The following TOPAZ1 variants were observed in gnomAD, a reference collection of about 807,000 sequenced individuals.
TOPAZ1 encodes protein TOPAZ1.
TOPAZ1 carries 66 observed loss-of-function variants against 172.2 expected under a neutral mutation model. The ratio of observed to expected loss-of-function variants is 0.38; its 90% CI spans 0.31 to 0.47. TOPAZ1 has a LOEUF of 0.47. Ranked by LOEUF, TOPAZ1 falls within the 20% of genes least tolerant of loss-of-function variation. TOPAZ1 has a pLI of 0.99. For synonymous variants in TOPAZ1, 681 were observed against 683.9 expected (o/e 1.00, Z 0.07); for missense variants, 1,822 against 1,972.4 (o/e 0.92, Z 1.44).
chr3:44,252,746 A>G (rs1699649272), intron 2 of TOPAZ1, among the ~76,000 whole-genome samples: 1 of 152,176 alleles, frequency 6.6e-6, no homozygotes, highest in South Asian at 2.1e-4. Context: ...ATCTCAGTAT[A>G]TTATGTCTGC....
Position 44,329,556 on chromosome 3 carries a change from G to A in TOPAZ1, c.4859+1123G>A, listed in dbSNP as rs536665553. 3.8e-4 allele frequency among the ~76,000 whole-genome samples: 58 copies of A among 152,312 alleles called. 2 individuals carry two copies. Among genetic ancestry groups the A allele is most frequent in the Admixed American group, 1.2e-3 (19 of 15,302 alleles). On this transcript the variant is annotated intron_variant, in intron 19 of 19. Transcript: ENST00000309765. Reference sequence around the variant, plus strand: ...ATCAAGCAAGAACTGTGAAGAGTCTGAGATTTTACCCTATTGCAAGCTACA... The same window carrying A: ...ATCAAGCAAGAACTGTGAAGAGTCTAAGATTTTACCCTATTGCAAGCTACA...
chr3:44,329,745 C>T (rs1331679478), intron 19 of TOPAZ1, among the ~76,000 whole-genome samples: 1 of 152,164 alleles, frequency 6.6e-6, no homozygotes, highest in Non-Finnish European at 1.5e-5. Context: ...ACATGGATAC[C>T]TACATATGCC....
rs371791185 is a variant in TOPAZ1 at position 44,287,875 on chromosome 3, G to A, written c.3681+36G>A. ...ATTTTCTCTTTTATTCTCTGATGGC[G>A]AGTAACCAAGAAAATAATTGTTTCC... On this transcript the variant is annotated intron_variant, in intron 11 of 19. Coordinates refer to ENST00000309765, the MANE Select transcript of TOPAZ1 (RefSeq NM_001145030.2). The A allele has an allele frequency of 3.5e-5, 36 of 1,023,952 alleles. No homozygotes were observed. In the African/African-American group the frequency reaches 4.4e-4, roughly 13 times the overall value. The allele number at this position is 1,023,952 out of a possible 1,614,324, so 63.4% of individuals were successfully genotyped here.
At chr3:44,314,636 C>T (rs1003895085) in intron 16 of TOPAZ1, among the ~76,000 whole-genome samples, 5 of 151,958 alleles carry the variant, frequency 3.3e-5, no homozygotes, top group African/African-American at 1.2e-4. Flanking sequence ...GCACAAACTA[C>T]ACAAACAGAT....
Position 44,281,952 on chromosome 3 carries a change from T to G in TOPAZ1, c.3373-16T>G. The G allele has an allele frequency of 3.3e-6, 5 of 1,515,928 alleles. No homozygotes were observed. Among genetic ancestry groups the G allele is most frequent in the Non-Finnish European group, 4.5e-6 (5 of 1,120,682 alleles). The allele number at this position is 1,515,928 out of a possible 1,614,324, so 93.9% of individuals were successfully genotyped here. On this transcript the variant is annotated splice_polypyrimidine_tract_variant and intron_variant, in intron 8 of 19. Transcript: ENST00000309765. Reference sequence around the variant, plus strand: ...ATTTAAAAAAGGTAGTTTTACATTTTTCGTGACTTTTGCAGGTTTGCATGG... The same window carrying G: ...ATTTAAAAAAGGTAGTTTTACATTTGTCGTGACTTTTGCAGGTTTGCATGG...
chr3:44,259,544 GGTTT>G (rs1020522735), intron 4 of TOPAZ1, among the ~76,000 whole-genome samples: 1 of 152,088 alleles, frequency 6.6e-6, no homozygotes, highest in African/African-American at 2.4e-5. Flanking sequence ...ATGGACACTT[GGTTT>G]GTTTCCATTT....
At chr3:44,301,267 AC>A (rs1575728058) in intron 12 of TOPAZ1, among the ~76,000 whole-genome samples, 2 of 152,346 alleles carry the variant, frequency 1.3e-5, no homozygotes, top group East Asian at 1.9e-4. Context: ...ACAATATTGT[AC>A]CAGTGTCAGT....
chr3:44,293,842 T>TATC (rs1441662888), intron 12 of TOPAZ1, among the ~76,000 whole-genome samples: 1 of 152,212 alleles, frequency 6.6e-6, no homozygotes, highest in Non-Finnish European at 1.5e-5. Flanking sequence ...CAATAGGCTA[T>TATC]ATCATATAGC....
At chr3:44,265,482 G>A (rs576093540) in intron 5 of TOPAZ1, among the ~76,000 whole-genome samples, 8 of 152,312 alleles carry the variant, frequency 5.3e-5, no homozygotes, top group African/African-American at 1.9e-4. Flanking sequence ...CTTGAACCCA[G>A]GAGGGGGAGG....
intron 9 of TOPAZ1, among the ~76,000 whole-genome samples, chr3:44,286,868 C>T (rs1009637747): frequency 6.6e-6 from 1 of 152,128 alleles, no homozygotes; most frequent in African/African-American, 2.4e-5. Context: ...GAAAACTAAT[C>T]AGCATTGTTG....
downstream of TOPAZ1, among the ~76,000 whole-genome samples, chr3:44,334,955 A>G (rs991331740): frequency 6.6e-6 from 1 of 152,150 alleles, no homozygotes; most frequent in Non-Finnish European, 1.5e-5. Flanking sequence ...GGGAGGCAGC[A>G]TGTTCACATA....
At chr3:44,257,467 ATAGTGT>A (rs149226418) in intron 4 of TOPAZ1, among the ~76,000 whole-genome samples, 14,673 of 105,830 alleles carry the variant, frequency 0.14, 990 homozygotes, top group Middle Eastern at 0.23. Flanking sequence ...ATATATATAT[ATAGTGT>A]GTGTGTGTGT....
In TOPAZ1 at chr3:44,287,453, A is replaced by G; in HGVS notation, c.3501A>G (p.Leu1167=). ...GTGTATACTTTGATTTACAAGTGCT[A>G]AATGACCTTCTAAATTCTTTACTCA... is the stretch of plus-strand genomic sequence containing the variant. ...PPGVYFDLQV[L]NDLLNSLLKH... The change falls in exon 10 of 20, where the codon CTA becomes CTG. Residue 1167 remains leucine (L), a synonymous_variant. Transcript: ENST00000309765. The G allele has an allele frequency of 6.5e-7, 1 of 1,528,874 alleles. No homozygotes were observed. The highest frequency in any genetic ancestry group is 1.3e-5 in the South Asian group (1 of 79,320). The allele number at this position is 1,528,874 out of a possible 1,614,324, so 94.7% of individuals were successfully genotyped here. A position where few individuals can be genotyped will look rare whatever the true frequency, so the allele number is the denominator to read the frequency against.
At chr3:44,242,696 A>C (rs1699500101) in intron 1 of TOPAZ1, among the ~76,000 whole-genome samples, 157 bp from the exon 2 acceptor site, 1 of 152,214 alleles carries the variant, frequency 6.6e-6, no homozygotes, top group South Asian at 2.1e-4. Context: ...TAATTCCTTA[A>C]CAGAAATTAA....
At chr3:44,246,587 C>G (rs2125676659) in intron 2 of TOPAZ1, among the ~76,000 whole-genome samples, 1 of 152,170 alleles carries the variant, frequency 6.6e-6, no homozygotes, top group East Asian at 1.9e-4. Context: ...GCCTGGTAAT[C>G]TGCCTGTTTT....
chr3:44,243,726 G>A lies in TOPAZ1; in HGVS notation c.1220G>A (p.Ser407Asn). The A allele has an allele frequency of 6.4e-7, 1 of 1,551,270 alleles. No homozygotes were observed. Among genetic ancestry groups the A allele is most frequent in the Non-Finnish European group, 8.7e-7 (1 of 1,146,920 alleles). The stretch of plus-strand genomic sequence containing the variant: ...CCAGAAACAGTAGAAAAAGAAACAA[G>A]TTCTGAACATCATGTAAATGCTGTG... Reference protein sequence around the residue: ...SVPETVEKETSSEHHVNAVFQ... With the variant: ...SVPETVEKETNSEHHVNAVFQ... Residue 407 changes from serine (S) to asparagine (N), a missense_variant, in exon 2 of 20, where the codon AGT becomes AAT. Physicochemically the swap from Ser to Asn is conservative, Grantham distance 46. Coordinates refer to ENST00000309765, the MANE Select transcript of TOPAZ1 (RefSeq NM_001145030.2).
rs1700675193 is a variant in TOPAZ1, at chr3:44,331,921, G to A, written c.4989G>A (p.Gln1663=). 2 of 1,551,484 alleles carry A rather than the reference G, an allele frequency of 1.3e-6. No individual in the cohort carries two copies. Among genetic ancestry groups the A allele is most frequent in the African/African-American group, 1.4e-5 (1 of 73,106 alleles). ...KHMTVNVNKE[Q]VYSLEHCSAL... is the part of the protein sequence containing the mutation. ...TGACTGTCAATGTTAATAAGGAACA[G>A]GTTTATAGTTTGGAACATTGTTCTG... The change falls in exon 20 of 20, where the codon CAG becomes CAA. Residue 1663 remains glutamine (Q), a synonymous_variant. Transcript: ENST00000309765.
At chr3:44,317,042 G>T (rs4682965) in intron 16 of TOPAZ1, among the ~76,000 whole-genome samples, 125,999 of 152,198 alleles carry the variant, frequency 0.83, 52,205 homozygotes, top group Middle Eastern at 0.9. Context: ...TCTTTGCTAT[G>T]CTTGTTTATT....
intron 18 of TOPAZ1, among the ~76,000 whole-genome samples, chr3:44,325,942 C>T (rs537777621): frequency 1.3e-5 from 2 of 152,170 alleles, no homozygotes; most frequent in Non-Finnish European, 2.9e-5. Context: ...TGCACCCAGC[C>T]ATGACTGGCT....
Sources: allele counts gnomAD v4.1 joint callset (sites outside exome capture counted in the v4.1 genomes callset), GRCh38; gene constraint gnomAD v4.1.1; transcripts MANE v1.5; gene names NCBI Gene and HGNC (gene_info 2026-07-23, HGNC 2026-07-21).